The following LYPLA1 variants were observed in gnomAD, a reference collection of about 807,000 sequenced individuals.
The protein encoded by LYPLA1 is acyl-protein thioesterase 1.
Under a neutral mutation model 34.0 loss-of-function variants are expected in LYPLA1, and 17 were observed. The ratio of observed to expected loss-of-function variants is 0.50; its 90% CI spans 0.34 to 0.75. The LOEUF (loss-of-function observed/expected upper bound fraction) is 0.75. Ranked by LOEUF, LYPLA1 falls within the 30% of genes least tolerant of loss-of-function variation. The pLI, the probability that LYPLA1 is intolerant of heterozygous loss-of-function variation, is 0.01. For synonymous variants in LYPLA1, 98 were observed against 100.8 expected, an observed-to-expected ratio of 0.97 and a Z score of 0.17; for missense variants, 203 against 288.8, an observed-to-expected ratio of 0.70 and a Z score of 2.15.
chr8:54,081,815 C>T (rs192187596), intron 2 of LYPLA1, among the ~76,000 whole-genome samples: 208 of 151,882 alleles, frequency 1.4e-3, no homozygotes, highest in African/African-American at 3.7e-3. Flanking sequence ...CTGCAATCTC[C>T]GCCTCCCAGG....
intron 2 of LYPLA1, among the ~76,000 whole-genome samples, chr8:54,068,509 G>A (rs954782116): frequency 6.6e-6 from 1 of 152,176 alleles, no homozygotes; most frequent in East Asian, 1.9e-4. Flanking sequence ...CTAGAGTACA[G>A]ACAGACATAT....
At chr8:54,051,307 CA>C in intron 7 of LYPLA1, 119 bp from the exon 8 acceptor site, 7 of 869,194 alleles carry the variant, frequency 8.1e-6, no homozygotes, top group Admixed American at 3.0e-5. Flanking sequence ...TACATTTGGC[CA>C]AAAAAATAAA....
At chr8:54,089,503 G>GGT (rs1219468184) in intron 2 of LYPLA1, among the ~76,000 whole-genome samples, 2 of 138,424 alleles carry the variant, frequency 1.4e-5, no homozygotes, top group African/African-American at 6.2e-5. Flanking sequence ...GGGGGGGGGC[G>GGT]GGATCTTTGA....
At chr8:54,085,842 C>G (rs1208220967) in intron 2 of LYPLA1, among the ~76,000 whole-genome samples, 2 of 142,192 alleles carry the variant, frequency 1.4e-5, no homozygotes, top group East Asian at 4.2e-4. Context: ...CCAGCCGCCC[C>G]GTCCGCGAGG....
chr8:54,090,482 C>T (rs531110357), intron 2 of LYPLA1, among the ~76,000 whole-genome samples: 1 of 152,326 alleles, frequency 6.6e-6, no homozygotes, highest in South Asian at 2.1e-4. Flanking sequence ...ATGTACTATA[C>T]TTCTACATAC....
At chr8:54,082,597 G>A (rs1808401886) in intron 2 of LYPLA1, among the ~76,000 whole-genome samples, 2 of 152,094 alleles carry the variant, frequency 1.3e-5, no homozygotes, top group African/African-American at 4.8e-5. Flanking sequence ...TGAATTAAAG[G>A]TGTGAGCCAT....
chr8:54,062,335 A>T lies in LYPLA1; in HGVS notation c.216-11T>A. 1 of 1,568,798 alleles carries T rather than the reference A, an allele frequency of 6.4e-7. No individual in the cohort carries two copies. The highest frequency in any genetic ancestry group is 2.3e-5 in the East Asian group (1 of 43,488). Reference sequence around the variant, plus strand: ...CCAATAATATCAAACCTGTAAAATAAGGCAAAATCTTTTGATTCTAAGAAA... The same window carrying T: ...CCAATAATATCAAACCTGTAAAATATGGCAAAATCTTTTGATTCTAAGAAA... On this transcript the variant is annotated splice_polypyrimidine_tract_variant and intron_variant, in intron 4 of 8. Transcript: ENST00000316963.
rs530842701 is a variant in LYPLA1, at chr8:54,072,701, C to T, written c.102-6888G>A. ...GACACTTTTCAAAAGACAGGCTGGG[C>T]GTGGTCGTGGCTCATGCCTGTAATC... On this transcript the variant is annotated intron_variant, in intron 2 of 8. Transcript: ENST00000316963. 2.0e-5 allele frequency among the ~76,000 whole-genome samples: 3 copies of T among 151,814 alleles called. No individual in the cohort carries two copies. The East Asian group carries it at 5.8e-4, about 29-fold the overall frequency.
At chr8:54,056,067 CTGCATGG>C (rs1434530656) in intron 5 of LYPLA1, among the ~76,000 whole-genome samples, 1 of 152,152 alleles carries the variant, frequency 6.6e-6, no homozygotes, top group East Asian at 1.9e-4. Flanking sequence ...GTAACCAAAA[CTGCATGG>C]TACTGGCATA....
chr8:54,078,652 T>A (rs1808079264), intron 2 of LYPLA1, among the ~76,000 whole-genome samples: 1 of 152,184 alleles, frequency 6.6e-6, no homozygotes, highest in African/African-American at 2.4e-5. Flanking sequence ...ACTGCTGATC[T>A]AGACTTGTGA....
Position 54,101,915 on chromosome 8 carries a change from A to T in LYPLA1, c.-92T>A, listed in dbSNP as rs1272272882. On this transcript the variant is annotated 5_prime_UTR_variant, in exon 1 of 9. Coordinates refer to ENST00000316963, the MANE Select transcript of LYPLA1 (RefSeq NM_006330.4). The stretch of plus-strand genomic sequence containing the variant: ...CGAGCGGCGAGTCCCGGCCGGCCCC[A>T]CCGGGCGCACGCTCAGGCGCGTGCG... 3.2e-5 allele frequency: 22 copies of T among 686,544 alleles called. No individual in the cohort carries two copies. The highest frequency in any genetic ancestry group is 7.7e-6 in the Non-Finnish European group (4 of 517,316). 42.5% of individuals were successfully genotyped at this position (686,544 alleles called of 1,614,324 possible). A position where few individuals can be genotyped will look rare whatever the true frequency, so the allele number is the denominator to read the frequency against.
intron 2 of LYPLA1, among the ~76,000 whole-genome samples, chr8:54,066,836 A>C (rs1370754835): frequency 1.3e-5 from 2 of 151,852 alleles, no homozygotes; most frequent in East Asian, 1.9e-4. Context: ...AAATAAACTA[A>C]ATCAGTTGTC....
chr8:54,065,937 TTTG>T, intron 2 of LYPLA1, 124 bp from the exon 3 acceptor site: 11 of 675,478 alleles, frequency 1.6e-5, no homozygotes, highest in Non-Finnish European at 2.1e-5. Flanking sequence ...ATGGTTTTTT[TTTG>T]TTTGTTTGTT....
At position 54,062,209 on chromosome 8, in the gene LYPLA1, A is replaced by G. The variant is rs141723737; in HGVS notation, c.286+45T>C. ...GATATGATTACTAAATCTACTAAAA[A>G]CATTTAAGAACACTTTTGGCTTTAT... On this transcript the variant is annotated intron_variant, in intron 5 of 8. Transcript: ENST00000316963. 81 of 1,338,602 alleles carry G rather than the reference A, an allele frequency of 6.1e-5. 1 individual carries two copies. In the African/African-American group the frequency reaches 1.1e-3, roughly 19 times the overall value. The allele number at this position is 1,338,602 out of a possible 1,614,324, so 82.9% of individuals were successfully genotyped here. A position where few individuals can be genotyped will look rare whatever the true frequency, so the allele number is the denominator to read the frequency against.
chr8:54,074,253 G>A (rs919731036), intron 2 of LYPLA1, among the ~76,000 whole-genome samples: 1 of 152,182 alleles, frequency 6.6e-6, no homozygotes, highest in South Asian at 2.1e-4. Flanking sequence ...CAGCCTGGGC[G>A]ACAGAGCCTT....
intron 2 of LYPLA1, among the ~76,000 whole-genome samples, chr8:54,090,954 C>T (rs1445305139): frequency 3.3e-5 from 5 of 152,192 alleles, no homozygotes; most frequent in African/African-American, 1.2e-4. Context: ...TCCACCTTTC[C>T]TGAGGCCTCC....
chr8:54,066,668 C>T (rs1298393878), intron 2 of LYPLA1, among the ~76,000 whole-genome samples: 1 of 151,830 alleles, frequency 6.6e-6, no homozygotes, highest in African/African-American at 2.4e-5. Context: ...GTAGTCCCAG[C>T]TACTCAGGAG....
intron 2 of LYPLA1, among the ~76,000 whole-genome samples, chr8:54,096,561 AC>A (rs368056378): frequency 6.6e-6 from 1 of 151,386 alleles, no homozygotes; most frequent in Admixed American, 6.6e-5. Context: ...ACATGGTGAA[AC>A]CCCCCCGTCT....
intron 2 of LYPLA1, among the ~76,000 whole-genome samples, chr8:54,075,169 G>T (rs1037749784): frequency 2.0e-4 from 31 of 152,208 alleles, no homozygotes; most frequent in Non-Finnish European, 3.2e-4. Flanking sequence ...TAAATTTTTT[G>T]AGCCTGCCCA....
Sources: allele counts gnomAD v4.1 joint callset (sites outside exome capture counted in the v4.1 genomes callset), GRCh38; gene constraint gnomAD v4.1.1; transcripts MANE v1.5; gene names NCBI Gene and HGNC (gene_info 2026-07-23, HGNC 2026-07-21).